The following PCDHGB3 variants were observed in gnomAD, a reference collection of about 807,000 sequenced individuals.
The protein encoded by PCDHGB3 is protocadherin gamma subfamily B, 3.
In PCDHGB3, 40 loss-of-function variants were observed where a neutral mutation model predicts 59.2. That is an observed-to-expected ratio of 0.68 (90% confidence interval 0.52 to 0.88). The LOEUF (loss-of-function observed/expected upper bound fraction) is 0.88. PCDHGB3 is among the 40% of genes least tolerant of loss of function. PCDHGB3 has a pLI of 0.00. For synonymous variants in PCDHGB3, 581 were observed against 503.6 expected (o/e 1.15, Z -2.06); for missense variants, 1,309 against 1,187.9 (o/e 1.10, Z -1.50).
chr5:141,494,926 G>T, intron 2 of PCDHGB3, 61 bp downstream of exon 2: 1 of 1,613,498 alleles, frequency 6.2e-7, no homozygotes, highest in Non-Finnish European at 8.5e-7. Flanking sequence ...GGATGACGTG[G>T]GAGGAGATGG....
At chr5:141,469,780 G>A (rs775691161) in intron 1 of PCDHGB3, among the ~76,000 whole-genome samples, 12 of 152,080 alleles carry the variant, frequency 7.9e-5, no homozygotes, top group Non-Finnish European at 1.8e-4. Context: ...ATTTATTACA[G>A]CGTTATTTGT....
At chr5:141,405,582 C>T in intron 1 of PCDHGB3, 3 of 589,180 alleles carry the variant, frequency 5.1e-6, no homozygotes, top group African/African-American at 1.9e-5. Context: ...GTAGCTGGGA[C>T]TACAGGCCTC....
At chr5:141,421,781 G>A (rs1482347889) in intron 1 of PCDHGB3, 1 of 1,613,856 alleles carries the variant, frequency 6.2e-7, no homozygotes, top group Non-Finnish European at 8.5e-7. Context: ...CAACTGCGGG[G>A]CAGAACGGAT....
chr5:141,462,078 C>T (rs2154567608), intron 1 of PCDHGB3, among the ~76,000 whole-genome samples: 1 of 152,304 alleles, frequency 6.6e-6, no homozygotes, highest in East Asian at 1.9e-4. Flanking sequence ...CCGCCTTGGC[C>T]TCCCAAAATG....
In PCDHGB3 at chr5:141,414,949, G is replaced by A. The variant is rs774769957; in HGVS notation, c.2415+42140G>A. On this transcript the variant is annotated intron_variant, in intron 1 of 3. Transcript: ENST00000576222. ...CCGCTCCGCAGAGCCCGGCTACCTGGTGACCAAGGTGGTGGCGGTGGACAG... is the reference window on the plus strand; with the variant it reads ...CCGCTCCGCAGAGCCCGGCTACCTGATGACCAAGGTGGTGGCGGTGGACAG... The A allele has an allele frequency of 8.1e-6, 13 of 1,614,096 alleles. 1 individual carries two copies. The South Asian group carries it at 1.4e-4, about 18-fold the overall frequency.
rs765047622 is a variant in PCDHGB3 at position 141,486,776 on chromosome 5, G to A, written c.2416-8031G>A. On this transcript the variant is annotated intron_variant, in intron 1 of 3. Coordinates refer to ENST00000576222, the MANE Select transcript of PCDHGB3 (RefSeq NM_018924.5). This position sits in a 1 kb window ranked among gnomAD's most constrained non-coding sequence, Gnocchi z 5.0. ...GCAAACCCAGACACTGCAGTTTGAGGTGCAGGCCCGGGATCGGGGCAACCC... is the reference window on the plus strand; with the variant it reads ...GCAAACCCAGACACTGCAGTTTGAGATGCAGGCCCGGGATCGGGGCAACCC... 1.2e-6 allele frequency: 2 copies of A among 1,614,254 alleles called. No individual in the cohort carries two copies. Among genetic ancestry groups the A allele is most frequent in the Non-Finnish European group, 1.7e-6 (2 of 1,180,050 alleles).
intron 1 of PCDHGB3, chr5:141,393,700 A>T: frequency 6.2e-7 from 1 of 1,613,934 alleles, no homozygotes; most frequent in Non-Finnish European, 8.5e-7. Context: ...CAGCTTAATG[A>T]AAATACTGGG....
intron 1 of PCDHGB3, among the ~76,000 whole-genome samples, chr5:141,446,150 A>G (rs754792549): frequency 6.6e-6 from 1 of 152,216 alleles, no homozygotes; most frequent in Non-Finnish European, 1.5e-5. Flanking sequence ...GAATAGGTGG[A>G]ATATAAATTT....
At chr5:141,402,391 T>C (rs1344810342) in intron 1 of PCDHGB3, among the ~76,000 whole-genome samples, 3 of 151,962 alleles carry the variant, frequency 2.0e-5, no homozygotes, top group African/African-American at 7.2e-5. Context: ...AAAAATTACT[T>C]CAGAAAATTG....
chr5:141,474,772 G>A (rs1053853138), intron 1 of PCDHGB3, among the ~76,000 whole-genome samples: 2 of 152,182 alleles, frequency 1.3e-5, no homozygotes, highest in Non-Finnish European at 2.9e-5. Flanking sequence ...AATAGTATGA[G>A]GCTCTAACAC....
intron 1 of PCDHGB3, chr5:141,403,711 G>A: frequency 6.2e-7 from 1 of 1,613,930 alleles, no homozygotes; most frequent in South Asian, 1.1e-5. Context: ...AAGTCCTTGA[G>A]AACGTGCCCC....
intron 1 of PCDHGB3, among the ~76,000 whole-genome samples, chr5:141,382,187 A>G (rs527857463): frequency 6.6e-6 from 1 of 152,216 alleles, no homozygotes; most frequent in Non-Finnish European, 1.5e-5. Flanking sequence ...AAGGTTCTAT[A>G]CAATCAAAAA....
At chr5:141,398,923 G>A in intron 1 of PCDHGB3, 1 of 1,613,978 alleles carries the variant, frequency 6.2e-7, no homozygotes, top group Non-Finnish European at 8.5e-7. Context: ...GCAAGTGTCA[G>A]CCACTGACCA....
intron 1 of PCDHGB3, among the ~76,000 whole-genome samples, chr5:141,474,404 G>A (rs1014003488): frequency 4.6e-5 from 7 of 152,156 alleles, no homozygotes; most frequent in East Asian, 1.9e-4. Context: ...CAAGCTCCCC[G>A]GTGATGCCTA....
At chr5:141,488,011 T>C (rs1424799954) in intron 1 of PCDHGB3, among the ~76,000 whole-genome samples, 1 of 152,182 alleles carries the variant, frequency 6.6e-6, no homozygotes, top group Non-Finnish European at 1.5e-5. Context: ...GATTCTGAAG[T>C]ACCTTAACTC....
In PCDHGB3 at chr5:141,477,013, T is replaced by A. The variant is rs1285961519; in HGVS notation, c.2416-17794T>A. On this transcript the variant is annotated intron_variant, in intron 1 of 3. Coordinates refer to ENST00000576222, the MANE Select transcript of PCDHGB3 (RefSeq NM_018924.5). This position sits in a 1 kb window ranked among gnomAD's most constrained non-coding sequence, Gnocchi z 4.9. ...TGCGGCAACTATTCGCCTTAGACCT[T>A]GTAACCGGGATGCTGACAATCAAGG... is the stretch of plus-strand genomic sequence containing the variant. 6.2e-7 allele frequency: 1 copy of A among 1,614,204 alleles called. No individual in the cohort carries two copies. The highest frequency in any genetic ancestry group is 2.2e-5 in the East Asian group (1 of 44,878).
At chr5:141,451,019 G>A (rs1348607593) in intron 1 of PCDHGB3, among the ~76,000 whole-genome samples, 7 of 151,274 alleles carry the variant, frequency 4.6e-5, no homozygotes, top group Admixed American at 2.0e-4. Context: ...TAGTAGAGAC[G>A]AGGTTTCACC....
chr5:141,382,013 G>A (rs1000379234), intron 1 of PCDHGB3, among the ~76,000 whole-genome samples: 1 of 151,580 alleles, frequency 6.6e-6, no homozygotes, highest in Non-Finnish European at 1.5e-5. Context: ...ATTTTTAGTA[G>A]AGACGGGGTT....
At chr5:141,505,583 T>C (rs2099846941) in intron 3 of PCDHGB3, 102 bp downstream of exon 3, 3 of 1,583,532 alleles carry the variant, frequency 1.9e-6, no homozygotes, top group Non-Finnish European at 2.6e-6. Flanking sequence ...ACCTGTGTAG[T>C]TTCTCCAGAT....
Sources: allele counts gnomAD v4.1 joint callset (sites outside exome capture counted in the v4.1 genomes callset), GRCh38; gene constraint gnomAD v4.1.1; non-coding constraint Gnocchi (gnomAD v3.1); transcripts MANE v1.5; gene names NCBI Gene and HGNC (gene_info 2026-07-23, HGNC 2026-07-21).